GRM8: variants seen among roughly 807,000 people sequenced by gnomAD.
GRM8 encodes the protein metabotropic glutamate receptor 8.
GRM8 carries 47 observed loss-of-function variants against 87.2 expected under a neutral mutation model. The ratio of observed to expected loss-of-function variants is 0.54; its 90% confidence interval spans 0.43 to 0.69. The LOEUF (loss-of-function observed/expected upper bound fraction) is 0.69. Ranked by LOEUF, GRM8 falls within the 30% of genes least tolerant of loss-of-function variation. The probability of loss-of-function intolerance (pLI) is 0.00; values close to 1 mark genes in which losing one functional copy is unlikely to be tolerated. For synonymous variants in GRM8, 396 were observed against 404.5 expected (o/e 0.98, Z 0.25); for missense variants, 1,019 against 1,139.2 (o/e 0.89, Z 1.52).
At chr7:127,148,160 C>G (rs1472544065) in intron 2 of GRM8, among the ~76,000 whole-genome samples, 3 of 152,032 alleles carry the variant, frequency 2.0e-5, no homozygotes, top group Non-Finnish European at 4.4e-5. Flanking sequence ...AGGAATATCT[C>G]TTAAATGGGT....
chr7:127,051,739 CAA>C (rs59713382), intron 3 of GRM8, among the ~76,000 whole-genome samples: 585 of 58,382 alleles, frequency 0.01, 1 homozygote, highest in Non-Finnish European at 0.015. Flanking sequence ...TAATGTTGAG[CAA>C]AAAAAAAAAA....
intron 9 of GRM8, among the ~76,000 whole-genome samples, chr7:126,456,727 A>C (rs367870676): frequency 5.5e-4 from 83 of 151,572 alleles, no homozygotes; most frequent in African/African-American, 1.9e-3. Context: ...AATTATCCCA[A>C]TCCCAGATTA....
chr7:126,530,805 A>G lies in GRM8; in HGVS notation c.2430+2147T>C, dbSNP rs531718095. ...TGTGAAAACTTAAACATTCTCAAGC[A>G]TTTATTTATTTTTTTTGGTAGAGAC... On this transcript the variant is annotated intron_variant, in intron 9 of 10. Coordinates refer to ENST00000339582, the MANE Select transcript of GRM8 (RefSeq NM_000845.3). Among the ~76,000 whole-genome samples the G allele has an allele frequency of 2.6e-5, 4 of 152,220 alleles. No homozygotes were observed. The South Asian group carries it at 8.3e-4, about 32-fold the overall frequency.
At chr7:126,645,578 G>A (rs2237756) in intron 7 of GRM8, among the ~76,000 whole-genome samples, 46,794 of 152,086 alleles carry the variant, frequency 0.31, 8,061 homozygotes, top group East Asian at 0.43. Context: ...ACTCATGTCA[G>A]TTAAACTCTA....
intron 6 of GRM8, among the ~76,000 whole-genome samples, chr7:126,872,395 AC>A (rs1427719190): frequency 2.0e-5 from 3 of 152,102 alleles, no homozygotes; most frequent in African/African-American, 7.2e-5. Flanking sequence ...TCTTTGTCTT[AC>A]CCAGAGGCCA....
intron 7 of GRM8, among the ~76,000 whole-genome samples, chr7:126,757,888 A>C (rs1383808689): frequency 6.6e-6 from 1 of 152,150 alleles, no homozygotes; most frequent in Non-Finnish European, 1.5e-5. Context: ...AGATATATTC[A>C]TATAGGTTTT....
At chr7:126,933,319 T>C (rs1444143549) in intron 3 of GRM8, among the ~76,000 whole-genome samples, 3 of 152,174 alleles carry the variant, frequency 2.0e-5, no homozygotes, top group Admixed American at 6.5e-5. Flanking sequence ...TGCAGGCAAA[T>C]AGTACATCCT....
intron 6 of GRM8, among the ~76,000 whole-genome samples, chr7:126,815,795 C>G (rs1478527004): frequency 1.3e-5 from 2 of 152,092 alleles, no homozygotes; most frequent in Admixed American, 1.3e-4. Flanking sequence ...CTGTTGCATG[C>G]TATCTAGAGT....
At position 126,579,995 on chromosome 7, in the gene GRM8, GA is replaced by G. The variant is rs530169461; in HGVS notation, c.1494+29366del. On this transcript the variant is annotated intron_variant, in intron 8 of 10. Coordinates refer to ENST00000339582, the MANE Select transcript of GRM8 (RefSeq NM_000845.3). ...AAAAGAAAACGTGCTTATCCCATAT[GA>G]AAAAAAAAAGTTGTGGTTAGAACAA... Among the ~76,000 whole-genome samples, 273 of 147,902 alleles carry G rather than the reference GA, an allele frequency of 1.8e-3. 1 individual carries two copies. Among genetic ancestry groups the G allele is most frequent in the African/African-American group, 5.8e-3 (234 of 40,520 alleles).
At chr7:126,781,977 G>A (rs1820125421) in intron 6 of GRM8, among the ~76,000 whole-genome samples, 1 of 152,068 alleles carries the variant, frequency 6.6e-6, no homozygotes, top group Non-Finnish European at 1.5e-5. Context: ...TGGCCTCTCA[G>A]TGTTGGAATT....
At chr7:126,633,954 T>C (rs1416556242) in intron 7 of GRM8, among the ~76,000 whole-genome samples, 1 of 152,010 alleles carries the variant, frequency 6.6e-6, no homozygotes, top group East Asian at 1.9e-4. Flanking sequence ...TATGAAAAAA[T>C]GCCTATTTTA....
intron 3 of GRM8, among the ~76,000 whole-genome samples, chr7:126,974,936 CAAAAAAAAAAAAAAAAAAA>C (rs36129145): frequency 8.4e-5 from 5 of 59,606 alleles, no homozygotes; most frequent in Non-Finnish European, 1.1e-4. Context: ...ACTCTTGTCT[CAAAAAAAAAAAAAAAAAAA>C]AAAAAAAAAA....
rs144536538 is a variant in GRM8, at chr7:127,067,134, C to T, written c.727+39362G>A. On this transcript the variant is annotated intron_variant, in intron 3 of 10. Transcript: ENST00000339582. ...CTCCATTCCACACAGCACCAACAGC[C>T]TACCCATGTGAGGGCCCTGTTGCCC... Among the ~76,000 whole-genome samples, 38 of 152,336 alleles carry T rather than the reference C, an allele frequency of 2.5e-4. 1 individual carries two copies. Among genetic ancestry groups the T allele is most frequent in the African/African-American group, 8.9e-4 (37 of 41,578 alleles).
chr7:126,511,906 T>C (rs1446892302), intron 9 of GRM8: 3 of 151,988 alleles, frequency 2.0e-5, no homozygotes, highest in Non-Finnish European at 4.4e-5. Flanking sequence ...ATATGTGGGG[T>C]TGGATCTAAA....
intron 3 of GRM8, among the ~76,000 whole-genome samples, chr7:127,007,161 C>G (rs1814405120): frequency 6.6e-6 from 1 of 151,928 alleles, no homozygotes; most frequent in Non-Finnish European, 1.5e-5. Flanking sequence ...ATTATTTTCC[C>G]CAGATAATCT....
chr7:126,751,330 C>T (rs900845834), intron 7 of GRM8, among the ~76,000 whole-genome samples: 4 of 151,834 alleles, frequency 2.6e-5, no homozygotes, highest in Non-Finnish European at 5.9e-5. Context: ...TCTTAAGTTT[C>T]TGCTCTGTAT....
In GRM8 at chr7:127,153,746, A is replaced by G. The variant is rs143794228; in HGVS notation, c.511-47034T>C. On this transcript the variant is annotated intron_variant, in intron 2 of 10. Transcript: ENST00000339582. ...AGCACCTAGCACAGCTCCTGGCACA[A>G]GGTAGATGCTCATATTTGACTCAAT... is the stretch of plus-strand genomic sequence containing the variant. 4.7e-3 allele frequency among the ~76,000 whole-genome samples: 716 copies of G among 152,240 alleles called. 12 individuals are homozygous for G. The highest frequency in any genetic ancestry group is 0.016 in the African/African-American group (685 of 41,560).
intron 7 of GRM8, among the ~76,000 whole-genome samples, chr7:126,612,814 T>G (rs1799051548): frequency 6.6e-6 from 1 of 152,250 alleles, no homozygotes; most frequent in Non-Finnish European, 1.5e-5. Flanking sequence ...AGCAAATCCA[T>G]GCTTCCCTCT....
At chr7:126,668,121 C>A (rs1016424528) in intron 7 of GRM8, among the ~76,000 whole-genome samples, 1 of 152,066 alleles carries the variant, frequency 6.6e-6, no homozygotes, top group East Asian at 1.9e-4. Flanking sequence ...CTGGGTGGAA[C>A]CTGGGATTCC....
Sources: gnomAD v4.1 joint callset for allele counts (sites outside exome capture counted in the v4.1 genomes callset) on GRCh38, gnomAD v4.1.1 for gene constraint, MANE v1.5 for transcripts, NCBI Gene and HGNC (gene_info 2026-07-23, HGNC 2026-07-21) for gene names.